LYSMD4: variants seen among roughly 807,000 people sequenced by gnomAD.
LYSMD4 encodes LysM domain containing 4.
A neutral mutation model predicts 6.1 loss-of-function variants in LYSMD4; 9 were observed. That is an observed-to-expected ratio of 1.47 (90% CI 0.88 to 2.56). The LOEUF (loss-of-function observed/expected upper bound fraction) is 2.56. Ranked by LOEUF, LYSMD4 falls within the 30% of genes most tolerant of loss-of-function variation. The probability of loss-of-function intolerance (pLI) is 0.00; values close to 1 mark genes in which losing one functional copy is unlikely to be tolerated. For missense variants in LYSMD4, 384 were observed against 373.5 expected, an observed-to-expected ratio of 1.03 and a Z score of -0.23; for synonymous variants, 143 against 148.5, an observed-to-expected ratio of 0.96 and a Z score of 0.27.
downstream of LYSMD4, among the ~76,000 whole-genome samples, chr15:99,725,459 C>T (rs12101486): frequency 0.14 from 21,756 of 152,114 alleles, 1,617 homozygotes; most frequent in East Asian, 0.2. Context: ...GCGATGGCCC[C>T]CTAGTCCCAC....
At chr15:99,725,009 C>G (rs960919189), downstream of LYSMD4, among the ~76,000 whole-genome samples, 1 of 152,210 alleles carries the variant, frequency 6.6e-6, no homozygotes, top group African/African-American at 2.4e-5. Flanking sequence ...GCTATCCACA[C>G]TCTCCGAGCC....
At chr15:99,716,127 A>G (rs528294715) in exon 1 of LYSMD4, 236 of 158,138 alleles carry the variant, frequency 1.5e-3, no homozygotes, top group Non-Finnish European at 2.8e-3. Context: ...TTCTCTGTAG[A>G]AACTTTCTTC....
chr15:99,733,020 A>C, intron 1 of LYSMD4: 1 of 247,552 alleles, frequency 4.0e-6, no homozygotes, highest in Non-Finnish European at 7.7e-6. Flanking sequence ...GCTTCCCTCC[A>C]AGTCCCTTCT....
chr15:99,731,571 G>C (rs1180355178), intron 2 of LYSMD4, 147 bp downstream of exon 2: 1 of 1,528,144 alleles, frequency 6.5e-7, no homozygotes, highest in African/African-American at 1.4e-5. Context: ...TCCAATTCTG[G>C]CTAAATAGGG....
chr15:99,729,341 T>C lies in LYSMD4; in HGVS notation c.673A>G (p.Met225Val). ...GGCAAGACAATACCAATCAGCAGCA[T>C]GATGAAAACAGCATTCCACCACTGA... ...GIQWWNAVFI[M>V]LLIGIVLPVF... Residue 225 changes from methionine to valine, a missense_variant, in exon 3 of 3, where the codon ATG becomes GTG. Transcript: ENST00000684762. The C allele has an allele frequency of 6.2e-7, 1 of 1,614,224 alleles. No homozygotes were observed. Among genetic ancestry groups the C allele is most frequent in the Non-Finnish European group, 8.5e-7 (1 of 1,180,034 alleles).
chr15:99,721,692 T>C (rs2059239102), upstream of LYSMD4, among the ~76,000 whole-genome samples: 1 of 152,148 alleles, frequency 6.6e-6, no homozygotes, highest in African/African-American at 2.4e-5. Context: ...CATGCCACCA[T>C]TTTGGCTGCC....
downstream of LYSMD4, among the ~76,000 whole-genome samples, chr15:99,727,143 G>A (rs552814947): frequency 4.3e-4 from 66 of 152,356 alleles, no homozygotes; most frequent in African/African-American, 1.5e-3. Context: ...GGGAGGCTGA[G>A]GTGGGCAGAT....
At chr15:99,716,660 A>G (rs1237368656) in exon 1 of LYSMD4, 3 of 456,556 alleles carry the variant, frequency 6.6e-6, no homozygotes, top group Non-Finnish European at 8.8e-6. Flanking sequence ...CAACGCCCCC[A>G]CTGGCCTCCC....
intron 2 of LYSMD4, 133 bp downstream of exon 2, chr15:99,731,585 T>TC: frequency 6.6e-7 from 1 of 1,524,870 alleles, no homozygotes; most frequent in Non-Finnish European, 8.8e-7. Flanking sequence ...AATAGGGGAG[T>TC]CCTTGGCTGC....
chr15:99,717,591 C>CCAGCTGTTG (rs67723447), exon 1 of LYSMD4: 67,608 of 151,802 alleles, frequency 0.45, 17,781 homozygotes, highest in Non-Finnish European at 0.58. Context: ...AGCCCTGATC[C>CCAGCTGTTG]CAGCTGTTGC....
chr15:99,732,586 G>T (rs1486532336), intron 1 of LYSMD4, among the ~76,000 whole-genome samples: 1 of 152,184 alleles, frequency 6.6e-6, no homozygotes, highest in South Asian at 2.1e-4. Context: ...AAAGCGTCCA[G>T]TTTGCTCACG....
At chr15:99,733,205 C>T (rs1282763851) in intron 1 of LYSMD4, 140 bp downstream of exon 1, 6 of 373,946 alleles carry the variant, frequency 1.6e-5, no homozygotes, top group Non-Finnish European at 2.9e-5. Context: ...GTCACCGCCC[C>T]TCCAGCTGGA....
rs542710769 is a variant in LYSMD4, at chr15:99,730,416, A to T, written c.283-685T>A. On this transcript the variant is annotated intron_variant, in intron 2 of 2. Transcript: ENST00000684762. ...AAACTCCTCTCATAATCAAACACGA[A>T]GATTTAAGAAGCAGGGAGAATGTAA... Among the ~76,000 whole-genome samples, 8 of 114,160 alleles carry T rather than the reference A, an allele frequency of 7.0e-5. No homozygotes were observed. In the South Asian group the frequency reaches 3.0e-3, roughly 43 times the overall value. The allele number at this position is 114,160 out of a possible 152,430, so 74.9% of individuals were successfully genotyped here. A position where few individuals can be genotyped will look rare whatever the true frequency, so the allele number is the denominator to read the frequency against.
In LYSMD4 at chr15:99,731,931, G is replaced by C; in HGVS notation, c.69C>G (p.Ser23Arg). 1 of 1,612,568 alleles carries C rather than the reference G, an allele frequency of 6.2e-7. No individual in the cohort carries two copies. Among genetic ancestry groups the C allele is most frequent in the Middle Eastern group, 1.7e-4 (1 of 6,052 alleles). The change falls in exon 2 of 3, where the codon AGC becomes AGG. Residue 23 changes from serine (S) to arginine (R), a missense_variant. Ser to Arg is a moderately radical substitution (Grantham distance 110). Coordinates refer to ENST00000684762, the MANE Select transcript of LYSMD4 (RefSeq NM_001284417.2). ...TGCCATTCTTAAACATGTATACGTGGCTGGTCGGAGTCCCACACACAACAG... is the reference window on the plus strand; with the variant it reads ...TGCCATTCTTAAACATGTATACGTGCCTGGTCGGAGTCCCACACACAACAG... ...GPAVVCGTPT[S>R]HVYMFKNGSG... is the part of the protein sequence containing the mutation.
downstream of LYSMD4, among the ~76,000 whole-genome samples, chr15:99,725,708 A>G (rs1020009885): frequency 1.3e-5 from 2 of 152,102 alleles, no homozygotes; most frequent in African/African-American, 4.8e-5. Flanking sequence ...CAAGTGGGCC[A>G]GTAGAAATTT....
chr15:99,715,762 T>TTAAAG (rs1213276675), exon 1 of LYSMD4: 1 of 152,212 alleles, frequency 6.6e-6, no homozygotes, highest in African/African-American at 2.4e-5. Flanking sequence ...ATTGCACTGG[T>TTAAAG]TAAAGTACAG....
chr15:99,729,961 G>C (rs1184883980), intron 2 of LYSMD4, among the ~76,000 whole-genome samples: 1 of 152,164 alleles, frequency 6.6e-6, no homozygotes, highest in African/African-American at 2.4e-5. Flanking sequence ...TATTCCTAAA[G>C]ATTTACAGGT....
chr15:99,716,902 G>A (rs535251863), exon 1 of LYSMD4: 30 of 343,546 alleles, frequency 8.7e-5, no homozygotes, highest in Non-Finnish European at 1.1e-4. Context: ...AGTCTAGGGT[G>A]TGAAATGATT....
At chr15:99,719,955 G>T (rs2059225679), upstream of LYSMD4, among the ~76,000 whole-genome samples, 1 of 152,034 alleles carries the variant, frequency 6.6e-6, no homozygotes, top group South Asian at 2.1e-4. Flanking sequence ...ATATGTTTGA[G>T]AACATTTTAA....
Sources: gnomAD v4.1 joint callset for allele counts (sites outside exome capture counted in the v4.1 genomes callset) on GRCh38, gnomAD v4.1.1 for gene constraint, MANE v1.5 for transcripts, NCBI Gene and HGNC (gene_info 2026-07-23, HGNC 2026-07-21) for gene names.